The following PLXDC2 variants were observed in gnomAD, a reference collection of about 807,000 sequenced individuals.
The protein encoded by PLXDC2 is plexin domain-containing protein 2.
A neutral mutation model predicts 68.9 loss-of-function variants in PLXDC2; 40 were observed. The observed-to-expected ratio is 0.58, with a 90% CI of 0.45 to 0.76. The LOEUF is 0.76. PLXDC2 is among the 30% of genes least tolerant of loss of function. The probability of loss-of-function intolerance (pLI) is 0.00; values close to 1 mark genes in which losing one functional copy is unlikely to be tolerated. For synonymous variants in PLXDC2, 243 were observed against 234.2 expected, an observed-to-expected ratio of 1.04 and a Z score of -0.34; for missense variants, 644 against 661.9, an observed-to-expected ratio of 0.97 and a Z score of 0.30.
At chr10:20,277,972 A>T (rs1415149428) in intron 13 of PLXDC2, among the ~76,000 whole-genome samples, 1 of 152,074 alleles carries the variant, frequency 6.6e-6, no homozygotes, top group African/African-American at 2.4e-5. Context: ...AGCTTATTTC[A>T]CTTAAGATAA....
At position 20,280,432 on chromosome 10, in the gene PLXDC2, C is replaced by T. The variant is rs926459055; in HGVS notation, c.*613C>T. 1.3e-5 allele frequency: 2 copies of T among 152,172 alleles called. No homozygotes were observed. The highest frequency in any genetic ancestry group is 2.9e-5 in the Non-Finnish European group (2 of 68,036). 9.4% of individuals were successfully genotyped at this position (152,172 alleles called of 1,614,324 possible). A position where few individuals can be genotyped will look rare whatever the true frequency, so the allele number is the denominator to read the frequency against. ...CCAACAAGTTCATCACTTTACAGAA[C>T]GAATCTTTTTATCCGTACAGGAGGT... On this transcript the variant is annotated 3_prime_UTR_variant, in exon 14 of 14. Coordinates refer to ENST00000377252, the MANE Select transcript of PLXDC2 (RefSeq NM_032812.9).
rs1466306382 is a variant in PLXDC2 at position 20,245,454 on chromosome 10, A to G, written c.1422A>G (p.Thr474=). The G allele has an allele frequency of 3.1e-6, 5 of 1,613,328 alleles. No individual in the cohort carries two copies. The African/African-American group carries it at 5.3e-5, about 17-fold the overall frequency. The change falls in exon 13 of 14, where the codon ACA becomes ACG. Residue 474 remains threonine, a synonymous_variant. Transcript: ENST00000377252. ...TTGTAGCCACAGCCATTCTTGTGACAGTCTATATGTATCACCACCCAACAT... is the reference window on the plus strand; with the variant it reads ...TTGTAGCCACAGCCATTCTTGTGACGGTCTATATGTATCACCACCCAACAT... ...VLIVATAILV[T]VYMYHHPTSA... is the part of the protein sequence containing the mutation.
chr10:20,028,572 G>T (rs1589594619), intron 2 of PLXDC2, among the ~76,000 whole-genome samples: 2 of 152,228 alleles, frequency 1.3e-5, no homozygotes, highest in East Asian at 1.9e-4. Flanking sequence ...GTTTCAAAAT[G>T]TTAACTGACA....
chr10:20,029,688 G>C (rs1047383633), intron 2 of PLXDC2, among the ~76,000 whole-genome samples: 4 of 152,110 alleles, frequency 2.6e-5, no homozygotes, highest in Non-Finnish European at 5.9e-5. Context: ...ATAAATGCCA[G>C]GTTTATAGAT....
intron 9 of PLXDC2, among the ~76,000 whole-genome samples, chr10:20,189,982 G>A (rs528336092): frequency 4.0e-5 from 6 of 151,698 alleles, no homozygotes; most frequent in Non-Finnish European, 8.8e-5. Context: ...GAAATATCAA[G>A]ACATTCTTTT....
chr10:20,283,417 T>A lies in PLXDC2; in HGVS notation c.*3598T>A, dbSNP rs554150746. 6.6e-6 allele frequency: 1 copy of A among 152,350 alleles called. No individual in the cohort carries two copies. Among genetic ancestry groups the A allele is most frequent in the Non-Finnish European group, 1.5e-5 (1 of 68,028 alleles). The allele number at this position is 152,350 out of a possible 1,614,324, so 9.4% of individuals were successfully genotyped here. ...TAATGTAACCCATATAAAGTACGAC[T>A]TTTGGTCGAGTACCAGCACAAATTT... is the stretch of plus-strand genomic sequence containing the variant. On this transcript the variant is annotated 3_prime_UTR_variant, in exon 14 of 14. Transcript: ENST00000377252.
intron 4 of PLXDC2, among the ~76,000 whole-genome samples, chr10:20,076,272 T>C (rs1314106691): frequency 5.9e-5 from 9 of 152,164 alleles, no homozygotes; most frequent in Admixed American, 5.9e-4. Flanking sequence ...AAGCCAGAAA[T>C]TGAGTTGCAT....
intron 6 of PLXDC2, among the ~76,000 whole-genome samples, chr10:20,159,802 A>G (rs1020772624): frequency 1.3e-5 from 2 of 152,174 alleles, no homozygotes; most frequent in African/African-American, 2.4e-5. Flanking sequence ...GTGCCGGTAC[A>G]TCTACCCACA....
At chr10:19,972,723 T>A (rs1478136263) in intron 1 of PLXDC2, among the ~76,000 whole-genome samples, 1 of 152,160 alleles carries the variant, frequency 6.6e-6, no homozygotes, top group Non-Finnish European at 1.5e-5. Flanking sequence ...GGGGCACAGT[T>A]GAGCTGTTAA....
intron 1 of PLXDC2, among the ~76,000 whole-genome samples, chr10:19,952,858 C>T (rs1192102000): frequency 6.6e-6 from 1 of 152,048 alleles, no homozygotes; most frequent in Non-Finnish European, 1.5e-5. Flanking sequence ...TTTTGTCTGG[C>T]CAGAAGGGAG....
intron 1 of PLXDC2, among the ~76,000 whole-genome samples, chr10:19,849,530 C>T (rs928730355): frequency 7.2e-5 from 11 of 152,120 alleles, no homozygotes; most frequent in African/African-American, 2.7e-4. Flanking sequence ...TGAACTCATT[C>T]ACTATCCCAT....
chr10:19,935,901 A>G (rs1296440344), intron 1 of PLXDC2, among the ~76,000 whole-genome samples: 1 of 152,188 alleles, frequency 6.6e-6, no homozygotes, highest in Non-Finnish European at 1.5e-5. Flanking sequence ...TCATCCATCC[A>G]ATAGCTAGAT....
intron 1 of PLXDC2, among the ~76,000 whole-genome samples, chr10:19,928,749 CTTTTTTTTTTTT>C (rs796581734): frequency 2.9e-5 from 3 of 105,188 alleles, no homozygotes; most frequent in African/African-American, 1.1e-4. Context: ...GAAGATAGGA[CTTTTTTTTTTTT>C]TTTTTTTTTT....
intron 3 of PLXDC2, 80 bp downstream of exon 3, chr10:20,047,095 TA>T: frequency 7.3e-7 from 1 of 1,374,832 alleles, no homozygotes; most frequent in South Asian, 1.7e-5. Flanking sequence ...CCATTTCTTT[TA>T]TGAGTTTGAT....
At chr10:20,046,206 C>T (rs1201661095) in intron 2 of PLXDC2, among the ~76,000 whole-genome samples, 1 of 151,962 alleles carries the variant, frequency 6.6e-6, no homozygotes, top group African/African-American at 2.4e-5. Context: ...CATTTTTGTT[C>T]AAAAGGACCT....
chr10:20,165,987 G>C (rs901258595), intron 7 of PLXDC2, among the ~76,000 whole-genome samples: 3 of 152,062 alleles, frequency 2.0e-5, no homozygotes, highest in African/African-American at 7.2e-5. Flanking sequence ...CTTATTTAAA[G>C]AAAGGGGAGA....
chr10:19,930,755 G>C (rs1252652727), intron 1 of PLXDC2, among the ~76,000 whole-genome samples: 1 of 152,128 alleles, frequency 6.6e-6, no homozygotes, highest in Non-Finnish European at 1.5e-5. Context: ...CTGAGGTTGG[G>C]AGTTCAAGGC....
intron 3 of PLXDC2, among the ~76,000 whole-genome samples, chr10:20,060,759 T>C (rs1285346181): frequency 6.6e-6 from 1 of 152,194 alleles, no homozygotes; most frequent in Non-Finnish European, 1.5e-5. Flanking sequence ...TAGAGAAAAT[T>C]ATGTTGTTAT....
At chr10:20,026,209 A>G (rs954116951) in intron 2 of PLXDC2, among the ~76,000 whole-genome samples, 6 of 151,248 alleles carry the variant, frequency 4.0e-5, no homozygotes, top group Non-Finnish European at 8.9e-5. Context: ...TATAAGCAGC[A>G]TAAATGCAGA....
Sources: allele counts gnomAD v4.1 joint callset (sites outside exome capture counted in the v4.1 genomes callset), GRCh38; gene constraint gnomAD v4.1.1; transcripts MANE v1.5; gene names NCBI Gene and HGNC (gene_info 2026-07-23, HGNC 2026-07-21).